The following ELL2 variants were observed in gnomAD, a reference collection of about 807,000 sequenced individuals.
The protein encoded by ELL2 is RNA polymerase II elongation factor ELL2.
A neutral mutation model predicts 72.8 loss-of-function variants in ELL2; 21 were observed. That is an observed-to-expected ratio of 0.29 (90% CI 0.20 to 0.42). ELL2 has a LOEUF of 0.42. ELL2 is among the 10% of genes least tolerant of loss of function. ELL2 has a pLI of 1.00. For synonymous variants in ELL2, 266 were observed against 283.2 expected, an observed-to-expected ratio of 0.94 and a Z score of 0.61; for missense variants, 568 against 772.8, an observed-to-expected ratio of 0.73 and a Z score of 3.14.
Position 95,898,668 on chromosome 5 carries a change from G to A in ELL2, c.1097C>T (p.Pro366Leu), listed in dbSNP as rs763783475. ...GGTAGGGATGGCAGCAGCCGCAGGG[G>A]GCAGCGGGAGGCCTGCAGCAGATTT... ...SEKSAAGLPLPPAAAAIPTPP... is the reference protein window; with the variant it reads ...SEKSAAGLPLLPAAAAIPTPP... Residue 366 changes from proline (P) to leucine (L), a missense_variant, in exon 8 of 12, where the codon CCC (proline) becomes CTC (leucine). This residue lies in a region of ELL2 where 511 missense variants were observed against 728.4 expected (regional missense o/e 0.70). Coordinates refer to ENST00000237853, the MANE Select transcript of ELL2 (RefSeq NM_012081.6). 2.5e-6 allele frequency: 4 copies of A among 1,613,142 alleles called. No homozygotes were observed. Among genetic ancestry groups the A allele is most frequent in the Non-Finnish European group, 3.4e-6 (4 of 1,179,472 alleles).
chr5:95,910,091 A>C (rs1366914820), intron 4 of ELL2, among the ~76,000 whole-genome samples: 1 of 152,192 alleles, frequency 6.6e-6, no homozygotes, highest in Admixed American at 6.5e-5. Flanking sequence ...TTACTACCAA[A>C]ATATATATAC....
chr5:95,948,429 CA>C (rs1187881368), intron 1 of ELL2, among the ~76,000 whole-genome samples: 663 of 35,210 alleles, frequency 0.019, 1 homozygote, highest in Middle Eastern at 0.043. Context: ...GACTCCGCCT[CA>C]AAAAAAAAAA....
intron 3 of ELL2, among the ~76,000 whole-genome samples, chr5:95,918,258 T>C (rs566723278): frequency 6.6e-6 from 1 of 152,380 alleles, no homozygotes; most frequent in East Asian, 1.9e-4. Context: ...TGTGCAATGA[T>C]GTTTTAAATT....
chr5:95,940,880 C>T lies in ELL2; in HGVS notation c.195+2122G>A, dbSNP rs544657401. Among the ~76,000 whole-genome samples, 5 of 152,182 alleles carry T rather than the reference C, an allele frequency of 3.3e-5. No individual in the cohort carries two copies. In the South Asian group the frequency reaches 8.3e-4, roughly 25 times the overall value. Reference sequence around the variant, plus strand: ...CCTCACATCGGTGGCCCTGCGTCTTCCCTGTGGGCTGTGCCAACCCACTCT... The same window carrying T: ...CCTCACATCGGTGGCCCTGCGTCTTTCCTGTGGGCTGTGCCAACCCACTCT... On this transcript the variant is annotated intron_variant, in intron 2 of 11. Transcript: ENST00000237853.
At chr5:95,903,994 C>T (rs1749250588) in intron 5 of ELL2, among the ~76,000 whole-genome samples, 1 of 152,200 alleles carries the variant, frequency 6.6e-6, no homozygotes, top group East Asian at 1.9e-4. Context: ...AGTCTTATCA[C>T]AAAATATTAG....
rs1751030563 is a variant in ELL2 at position 95,943,112 on chromosome 5, G to A, written c.148-63C>T. On this transcript the variant is annotated intron_variant, in intron 1 of 11. Coordinates refer to ENST00000237853, the MANE Select transcript of ELL2 (RefSeq NM_012081.6). ...TGGTTACTGTGACATAGAACTAAATGTTTAAACTTTAAATCTATGTTATTT... is the reference window on the plus strand; with the variant it reads ...TGGTTACTGTGACATAGAACTAAATATTTAAACTTTAAATCTATGTTATTT... The A allele has an allele frequency of 2.8e-6, 4 of 1,407,804 alleles. No individual in the cohort carries two copies. The East Asian group carries it at 9.9e-5, about 35-fold the overall frequency. The allele number at this position is 1,407,804 out of a possible 1,614,324, so 87.2% of individuals were successfully genotyped here. A position where few individuals can be genotyped will look rare whatever the true frequency, so the allele number is the denominator to read the frequency against.
At chr5:95,917,265 G>C (rs1749848444) in intron 3 of ELL2, among the ~76,000 whole-genome samples, 1 of 152,168 alleles carries the variant, frequency 6.6e-6, no homozygotes, top group African/African-American at 2.4e-5. Context: ...TTTTATATAT[G>C]AGAAAAGTGA....
chr5:95,908,034 T>A (rs906769575), intron 4 of ELL2, among the ~76,000 whole-genome samples: 1 of 152,238 alleles, frequency 6.6e-6, no homozygotes, highest in Non-Finnish European at 1.5e-5. Flanking sequence ...TACTGGCTGG[T>A]ATGTTTCTTT....
chr5:95,946,103 G>A (rs1480823842), intron 1 of ELL2, among the ~76,000 whole-genome samples: 1 of 152,106 alleles, frequency 6.6e-6, no homozygotes, highest in African/African-American at 2.4e-5. Context: ...GAAGTGTTTT[G>A]GGGGAAGGCA....
chr5:95,903,370 C>T (rs918540293), intron 5 of ELL2, among the ~76,000 whole-genome samples: 16 of 151,914 alleles, frequency 1.1e-4, no homozygotes, highest in African/African-American at 3.9e-4. Flanking sequence ...AGGCGCCTGT[C>T]ACCATGCCCA....
chr5:95,924,900 T>C (rs543759765), intron 2 of ELL2, among the ~76,000 whole-genome samples: 1 of 152,358 alleles, frequency 6.6e-6, no homozygotes, highest in African/African-American at 2.4e-5. Context: ...TGAAAGGTCA[T>C]TTCAACATCA....
intron 1 of ELL2, among the ~76,000 whole-genome samples, chr5:95,954,659 C>T (rs1751564901): frequency 7.6e-6 from 1 of 131,428 alleles, no homozygotes; most frequent in South Asian, 2.4e-4. Context: ...CCAGGATGGT[C>T]TCGATTTCCT....
intron 2 of ELL2, among the ~76,000 whole-genome samples, chr5:95,939,505 T>C (rs550939226): frequency 6.6e-6 from 1 of 152,368 alleles, no homozygotes; most frequent in South Asian, 2.1e-4. Context: ...TACCTGTTTA[T>C]AGTTTATTGC....
rs546597819 is a variant in ELL2, at chr5:95,918,251, G to A, written c.317+1173C>T. 3.3e-5 allele frequency among the ~76,000 whole-genome samples: 5 copies of A among 152,354 alleles called. No homozygotes were observed. The South Asian group carries it at 8.3e-4, about 25-fold the overall frequency. ...CACAAAATGTGGTTAGTGTGAATGT[G>A]CAATGATGTTTTAAATTTTATTTAA... On this transcript the variant is annotated intron_variant, in intron 3 of 11. Coordinates refer to ENST00000237853, the MANE Select transcript of ELL2 (RefSeq NM_012081.6).
At chr5:95,928,583 C>T (rs753326605) in intron 2 of ELL2, among the ~76,000 whole-genome samples, 4 of 152,168 alleles carry the variant, frequency 2.6e-5, no homozygotes, top group South Asian at 2.1e-4. Flanking sequence ...CTCCACACCC[C>T]TCAACAAACA....
chr5:95,951,672 C>T (rs1201108868), intron 1 of ELL2, among the ~76,000 whole-genome samples: 2 of 151,914 alleles, frequency 1.3e-5, no homozygotes, highest in Non-Finnish European at 2.9e-5. Flanking sequence ...CCATTGGGGA[C>T]TTGAAACTGG....
At chr5:95,911,058 C>T (rs1173990194) in intron 4 of ELL2, among the ~76,000 whole-genome samples, 1 of 152,180 alleles carries the variant, frequency 6.6e-6, no homozygotes, top group Non-Finnish European at 1.5e-5. Context: ...GCACAGCAGG[C>T]ACTCAATAAG....
intron 1 of ELL2, among the ~76,000 whole-genome samples, chr5:95,960,037 G>A (rs1338775517): frequency 6.6e-6 from 1 of 152,082 alleles, no homozygotes; most frequent in Non-Finnish European, 1.5e-5. Context: ...CTCTCCTGCC[G>A]CTCTGCCTCA....
chr5:95,927,467 ATATAGACATACACACACGTGTG>A (rs1243184727), intron 2 of ELL2, among the ~76,000 whole-genome samples: 6 of 41,030 alleles, frequency 1.5e-4, no homozygotes, highest in Non-Finnish European at 2.0e-4. Flanking sequence ...ACACGTGTGT[ATATAGACATACACACACGTGTG>A]TATATAGACA....
Sources: gnomAD v4.1 joint callset for allele counts (sites outside exome capture counted in the v4.1 genomes callset) on GRCh38, gnomAD v4.1.1 for gene constraint, gnomAD v4.1.1 regional missense constraint, MANE v1.5 for transcripts, NCBI Gene and HGNC (gene_info 2026-07-23, HGNC 2026-07-21) for gene names.